The following DGKG variants were observed in gnomAD, a reference collection of about 807,000 sequenced individuals.
DGKG encodes the protein DAG kinase gamma.
DGKG carries 78 observed loss-of-function variants against 105.3 expected under a neutral mutation model. The ratio of observed to expected loss-of-function variants is 0.74; its 90% CI spans 0.62 to 0.89. The LOEUF (loss-of-function observed/expected upper bound fraction) is 0.89, where lower values mean the gene tolerates loss of function less well. Among genes scored for constraint, DGKG ranks in the 40% least tolerant of loss-of-function variants. The pLI is 0.00. For missense variants in DGKG, 958 were observed against 1,020.1 expected (o/e 0.94, Z 0.83); for synonymous variants, 346 against 367.1 (o/e 0.94, Z 0.66).
rs4686748 is a variant in DGKG at position 186,215,671 on chromosome 3, T to A, written c.1827-3786A>T. Among the ~76,000 whole-genome samples the A allele has an allele frequency of 3.3e-5, 5 of 152,084 alleles. No homozygotes were observed. In the South Asian group the frequency reaches 6.2e-4, roughly 19 times the overall value. ...TGACAATAGCATTAGAAGAGAAGAG[T>A]GGGGGAGACTCACAAGCTAAAATTT... On this transcript the variant is annotated intron_variant, in intron 20 of 24. Coordinates refer to ENST00000265022, the MANE Select transcript of DGKG (RefSeq NM_001346.3).
intron 24 of DGKG, chr3:186,158,549 A>AT (rs1179651629): frequency 1.1e-5 from 11 of 959,576 alleles, no homozygotes; most frequent in Non-Finnish European, 1.4e-5. Flanking sequence ...CTGCAACTGG[A>AT]TTTTATGGAG....
chr3:186,164,858 C>A, intron 23 of DGKG, 40 bp downstream of exon 23: 1 of 1,586,540 alleles, frequency 6.3e-7, no homozygotes, highest in African/African-American at 1.3e-5. Flanking sequence ...TGTACGCAGG[C>A]GGGGAGATGC....
At chr3:186,152,819 A>G (rs576598193) in intron 24 of DGKG, among the ~76,000 whole-genome samples, 38 of 152,168 alleles carry the variant, frequency 2.5e-4, no homozygotes, top group African/African-American at 9.2e-4. Flanking sequence ...GCTTATCACC[A>G]TGCCTGGCTA....
chr3:186,320,203 T>G (rs1205097126), intron 2 of DGKG, among the ~76,000 whole-genome samples, 190 bp downstream of exon 2: 2 of 152,218 alleles, frequency 1.3e-5, no homozygotes, highest in Non-Finnish European at 2.9e-5. Flanking sequence ...GCACGTAGTA[T>G]TTACTGAGCT....
chr3:186,331,897 T>C (rs772455196), intron 1 of DGKG, among the ~76,000 whole-genome samples: 2 of 152,226 alleles, frequency 1.3e-5, no homozygotes, highest in Non-Finnish European at 2.9e-5. Flanking sequence ...CACCAAACCC[T>C]GTGAGGAACG....
intron 20 of DGKG, among the ~76,000 whole-genome samples, chr3:186,221,074 G>A (rs1379776543): frequency 6.6e-6 from 1 of 152,218 alleles, no homozygotes; most frequent in African/African-American, 2.4e-5. Context: ...TGAGACTCAT[G>A]ATCCACTGTT....
intron 20 of DGKG, among the ~76,000 whole-genome samples, chr3:186,239,971 T>C (rs1461237500): frequency 6.6e-6 from 1 of 151,680 alleles, no homozygotes; most frequent in Non-Finnish European, 1.5e-5. Flanking sequence ...GGATGATTGC[T>C]CTATTTATGT....
chr3:186,297,068 T>TCTCACACACACACACACACA (rs1452573661), intron 5 of DGKG, among the ~76,000 whole-genome samples: 38 of 130,504 alleles, frequency 2.9e-4, no homozygotes, highest in African/African-American at 9.5e-4. Context: ...TCTGTCTCTC[T>TCTCACACACACACACACACA]CACACACACA....
chr3:186,157,966 G>A (rs1485082510), intron 24 of DGKG: 1 of 166,620 alleles, frequency 6.0e-6, no homozygotes, highest in African/African-American at 2.4e-5. Context: ...GCCTCCCAAA[G>A]TGCTGGGATT....
intron 1 of DGKG, among the ~76,000 whole-genome samples, chr3:186,344,438 T>C (rs537919809): frequency 7.2e-5 from 11 of 152,282 alleles, no homozygotes; most frequent in African/African-American, 2.4e-4. Context: ...TGCAGGAACA[T>C]GGATGCAGGA....
intron 24 of DGKG, chr3:186,161,382 T>TA: frequency 1.4e-6 from 2 of 1,393,572 alleles, no homozygotes; most frequent in Non-Finnish European, 1.9e-6. Flanking sequence ...TCTCATTCAA[T>TA]TTTGTGACCG....
At chr3:186,153,352 A>G (rs140912951) in intron 24 of DGKG, among the ~76,000 whole-genome samples, 54 of 152,318 alleles carry the variant, frequency 3.5e-4, no homozygotes, top group African/African-American at 1.2e-3. Context: ...CCTGATAGAA[A>G]GAGGTCATCC....
At chr3:186,318,086 C>T (rs1724903065) in intron 2 of DGKG, among the ~76,000 whole-genome samples, 1 of 152,210 alleles carries the variant, frequency 6.6e-6, no homozygotes, top group African/African-American at 2.4e-5. Context: ...CTCTTTGGCT[C>T]AGACTAGGTT....
At chr3:186,304,064 C>T (rs1375106634) in intron 3 of DGKG, among the ~76,000 whole-genome samples, 2 of 152,194 alleles carry the variant, frequency 1.3e-5, no homozygotes, top group African/African-American at 2.4e-5. Context: ...GGGCCAGCCC[C>T]GACAGAGGCG....
chr3:186,187,982 C>T (rs771546988), intron 22 of DGKG, among the ~76,000 whole-genome samples: 2 of 152,174 alleles, frequency 1.3e-5, no homozygotes, highest in Non-Finnish European at 2.9e-5. Context: ...CATGGAGCCC[C>T]ACAGCTTGAC....
At position 186,149,998 on chromosome 3, in the gene DGKG, G is replaced by GTGCA. The variant is rs1294662153; in HGVS notation, c.*88_*91dup. On this transcript the variant is annotated 3_prime_UTR_variant, in exon 25 of 25. Coordinates refer to ENST00000265022, the MANE Select transcript of DGKG (RefSeq NM_001346.3). ...GAAGAGTGTGTATGTGTGTGTGTGT[G>GTGCA]TGCATGTGTGAGTGTGCACATAAAT... is the stretch of plus-strand genomic sequence containing the variant. The GTGCA allele has an allele frequency of 1.1e-5, 16 of 1,507,206 alleles. No homozygotes were observed. Among genetic ancestry groups the GTGCA allele is most frequent in the Middle Eastern group, 1.7e-4 (1 of 5,764 alleles). The allele number at this position is 1,507,206 out of a possible 1,614,324, so 93.4% of individuals were successfully genotyped here.
At chr3:186,334,501 A>C (rs1447608482) in intron 1 of DGKG, among the ~76,000 whole-genome samples, 1 of 152,236 alleles carries the variant, frequency 6.6e-6, no homozygotes, top group African/African-American at 2.4e-5. Context: ...TGTGGACAAC[A>C]GCATCTAGAG....
At chr3:186,248,238 C>T (rs570677174) in intron 19 of DGKG, among the ~76,000 whole-genome samples, 5 of 152,132 alleles carry the variant, frequency 3.3e-5, no homozygotes, top group Non-Finnish European at 7.4e-5. Context: ...TTTTGTCAGC[C>T]AGAGCTGGGT....
At chr3:186,199,022 A>G (rs746881088) in intron 21 of DGKG, among the ~76,000 whole-genome samples, 45 of 152,042 alleles carry the variant, frequency 3.0e-4, no homozygotes, top group Non-Finnish European at 5.6e-4. Context: ...ATCTTGGCTC[A>G]CTACAACCTC....
Sources: allele counts gnomAD v4.1 joint callset (sites outside exome capture counted in the v4.1 genomes callset), GRCh38; gene constraint gnomAD v4.1.1; transcripts MANE v1.5; gene names NCBI Gene and HGNC (gene_info 2026-07-23, HGNC 2026-07-21).